MTUS2: variants seen among roughly 807,000 people sequenced by gnomAD.
The protein encoded by MTUS2 is microtubule-associated tumor suppressor candidate 2.
In MTUS2, 40 loss-of-function variants were observed where a neutral mutation model predicts 114.1. The observed-to-expected ratio is 0.35, with a 90% CI of 0.27 to 0.46. The LOEUF is 0.46. MTUS2 is among the 20% of genes least tolerant of loss of function. The probability of loss-of-function intolerance (pLI) is 1.00; values close to 1 mark genes in which losing one functional copy is unlikely to be tolerated. For missense variants in MTUS2, 1,679 were observed against 1,705.4 expected, an observed-to-expected ratio of 0.98 and a Z score of 0.27; for synonymous variants, 688 against 672.0, an observed-to-expected ratio of 1.02 and a Z score of -0.37.
intron 8 of MTUS2, among the ~76,000 whole-genome samples, chr13:29,382,831 G>A (rs986485195): frequency 6.6e-6 from 1 of 152,156 alleles, no homozygotes; most frequent in Non-Finnish European, 1.5e-5. Context: ...AAGTCAGTGT[G>A]TGATTAATTA....
intron 5 of MTUS2, among the ~76,000 whole-genome samples, chr13:29,138,833 A>G (rs1029842271): frequency 6.6e-6 from 1 of 152,178 alleles, no homozygotes; most frequent in Non-Finnish European, 1.5e-5. Context: ...AGCCACCACC[A>G]TATGAATAAT....
At chr13:29,393,585 T>C (rs1311143324) in intron 8 of MTUS2, among the ~76,000 whole-genome samples, 1 of 152,140 alleles carries the variant, frequency 6.6e-6, no homozygotes, top group Non-Finnish European at 1.5e-5. Context: ...AGATCACAGT[T>C]CTCAGTGACA....
At chr13:28,913,837 A>G (rs190582656) in intron 2 of MTUS2, among the ~76,000 whole-genome samples, 12 of 152,040 alleles carry the variant, frequency 7.9e-5, no homozygotes, top group African/African-American at 2.7e-4. Flanking sequence ...TTCTTGATTC[A>G]GTCTTGTGAG....
intron 2 of MTUS2, among the ~76,000 whole-genome samples, chr13:28,956,410 T>C (rs1883069320): frequency 1.3e-5 from 2 of 152,166 alleles, no homozygotes; most frequent in African/African-American, 4.8e-5. Context: ...GTGCTCCTTC[T>C]GGTCTACCTG....
intron 4 of MTUS2, among the ~76,000 whole-genome samples, chr13:29,073,374 T>G (rs917511903): frequency 2.6e-5 from 4 of 152,216 alleles, no homozygotes; most frequent in African/African-American, 9.6e-5. Flanking sequence ...TCCAAAAACA[T>G]TAACAAAATA....
At chr13:28,946,342 C>T (rs1193559947) in intron 2 of MTUS2, among the ~76,000 whole-genome samples, 2 of 151,994 alleles carry the variant, frequency 1.3e-5, no homozygotes, top group Non-Finnish European at 1.5e-5. Context: ...TGCATGTACA[C>T]ACACACATGT....
At chr13:28,975,678 A>T (rs146442161) in intron 2 of MTUS2, among the ~76,000 whole-genome samples, 95 of 152,342 alleles carry the variant, frequency 6.2e-4, no homozygotes, top group African/African-American at 2.0e-3. Context: ...GATGCATTTT[A>T]TCTCATTTAA....
At chr13:28,955,577 T>C (rs763774409) in intron 2 of MTUS2, among the ~76,000 whole-genome samples, 1 of 152,152 alleles carries the variant, frequency 6.6e-6, no homozygotes, top group Non-Finnish European at 1.5e-5. Flanking sequence ...TCTGGGAAAA[T>C]GGATGGCCGT....
chr13:28,839,127 A>G (rs1328119223), intron 1 of MTUS2, among the ~76,000 whole-genome samples: 2 of 152,130 alleles, frequency 1.3e-5, no homozygotes, highest in Non-Finnish European at 2.9e-5. Context: ...CTATGCCTCC[A>G]CATTTGGGAG....
intron 5 of MTUS2, among the ~76,000 whole-genome samples, chr13:29,246,320 C>G (rs573346523): frequency 6.6e-6 from 1 of 152,272 alleles, no homozygotes; most frequent in Non-Finnish European, 1.5e-5. Flanking sequence ...GTCCAACATC[C>G]GAGGCAGACC....
chr13:28,894,289 G>GAGA (rs1283422275), intron 2 of MTUS2, among the ~76,000 whole-genome samples: 152 of 11,808 alleles, frequency 0.013, 15 homozygotes, highest in African/African-American at 0.063. Context: ...TGGGGGGGGG[G>GAGA]GAGAGAGAGA....
intron 2 of MTUS2, among the ~76,000 whole-genome samples, chr13:28,905,414 T>G (rs1039490381): frequency 1.3e-5 from 2 of 151,612 alleles, no homozygotes; most frequent in Non-Finnish European, 2.9e-5. Context: ...CTCTTATTAT[T>G]TTGAGATACA....
At chr13:29,375,344 C>A (rs3125696) in intron 8 of MTUS2, among the ~76,000 whole-genome samples, 987 of 2,476 alleles carry the variant, frequency 0.4, 366 homozygotes, top group Admixed American at 0.65. Context: ...TAATGGCAAA[C>A]CCGCAATTAC....
intron 4 of MTUS2, among the ~76,000 whole-genome samples, chr13:29,057,196 T>A (rs1888174885): frequency 6.6e-6 from 1 of 152,152 alleles, no homozygotes; most frequent in South Asian, 2.1e-4. Context: ...AAAAATTTGC[T>A]GAAGATTGTT....
At chr13:29,317,432 C>CTTTTTTTTTTTTTTTTTT (rs552766235) in intron 6 of MTUS2, among the ~76,000 whole-genome samples, 1 of 51,666 alleles carries the variant, frequency 1.9e-5, no homozygotes, top group African/African-American at 6.6e-5. Context: ...CTCTCTCTCT[C>CTTTTTTTTTTTTTTTTTT]TTTTTTTTTT....
At chr13:29,184,991 T>A (rs1894161949) in intron 5 of MTUS2, among the ~76,000 whole-genome samples, 1 of 152,108 alleles carries the variant, frequency 6.6e-6, no homozygotes, top group Non-Finnish European at 1.5e-5. Context: ...GTTTTAAATA[T>A]GTTCAAGTAA....
At chr13:29,264,371 G>A (rs1372656468) in intron 5 of MTUS2, among the ~76,000 whole-genome samples, 2 of 152,238 alleles carry the variant, frequency 1.3e-5, no homozygotes, top group East Asian at 3.9e-4. Flanking sequence ...CTTGCTGAGA[G>A]GTGCAGGCTG....
chr13:29,040,710 T>C (rs574751590), intron 4 of MTUS2, among the ~76,000 whole-genome samples: 1 of 152,328 alleles, frequency 6.6e-6, no homozygotes, highest in East Asian at 1.9e-4. Context: ...CCCTGATAAT[T>C]AGTAATGATG....
rs367767939 is a variant in MTUS2 at position 29,056,144 on chromosome 13, C to T, written c.2446+22019C>T. Among the ~76,000 whole-genome samples, 32 of 152,084 alleles carry T rather than the reference C, an allele frequency of 2.1e-4. 1 individual carries two copies. The South Asian group carries it at 5.0e-3, about 24-fold the overall frequency. On this transcript the variant is annotated intron_variant, in intron 4 of 15. Coordinates refer to ENST00000612955, the MANE Select transcript of MTUS2 (RefSeq NM_001033602.4). ...TGAAATCTTTGCCAGGTCCTATGTG[C>T]AGAATGGCATTTCCTCCTATGTCCA... is the stretch of plus-strand genomic sequence containing the variant.
Sources: allele counts gnomAD v4.1 joint callset (sites outside exome capture counted in the v4.1 genomes callset), GRCh38; gene constraint gnomAD v4.1.1; transcripts MANE v1.5; gene names NCBI Gene and HGNC (gene_info 2026-07-23, HGNC 2026-07-21).